Variants in VPS35L observed in about 807,000 individuals in gnomAD.
VPS35L encodes the protein VPS35 endosomal protein sorting factor like, also known as VPS35 endosomal protein-sorting factor-like.
A neutral mutation model predicts 133.0 loss-of-function variants in VPS35L; 83 were observed. That is an observed-to-expected ratio of 0.62 (90% CI 0.52 to 0.75). VPS35L has a LOEUF of 0.75. Among genes scored for constraint, VPS35L ranks in the 30% least tolerant of loss-of-function variants. The pLI is 0.00. For synonymous variants in VPS35L, 423 were observed against 449.9 expected (o/e 0.94, Z 0.76); for missense variants, 1,083 against 1,206.8 (o/e 0.90, Z 1.52).
chr16:19,651,906 G>A, intron 25 of VPS35L, 70 bp from the exon 26 acceptor site: 1 of 1,092,650 alleles, frequency 9.2e-7, no homozygotes, highest in Non-Finnish European at 1.4e-6. Context: ...AAATACATGA[G>A]GGATGAAAAC....
At chr16:19,692,893 A>G (rs1357442445) in intron 29 of VPS35L, among the ~76,000 whole-genome samples, 2 of 152,200 alleles carry the variant, frequency 1.3e-5, no homozygotes, top group African/African-American at 2.4e-5. Context: ...AGGGTGTTCA[A>G]GCGTGTGTTT....
chr16:19,601,862 T>C, intron 9 of VPS35L, 139 bp downstream of exon 9: 1 of 798,006 alleles, frequency 1.3e-6, no homozygotes, highest in East Asian at 2.8e-5. Context: ...CCTTTGAAGA[T>C]TTCTGATCAC....
intron 10 of VPS35L, chr16:19,608,594 GA>G (rs1423193943): frequency 2.6e-6 from 1 of 389,080 alleles, no homozygotes; most frequent in Non-Finnish European, 4.6e-6. Flanking sequence ...GAACTTGAAA[GA>G]ACAGGGTCAA....
intron 5 of VPS35L, chr16:19,578,814 G>A (rs773350311): frequency 3.5e-5 from 19 of 546,504 alleles, no homozygotes; most frequent in Admixed American, 1.2e-4. Context: ...CAAATGCAGC[G>A]GTTAACCTCT....
chr16:19,584,839 A>G (rs1268660035), intron 7 of VPS35L, among the ~76,000 whole-genome samples: 1 of 151,982 alleles, frequency 6.6e-6, no homozygotes, highest in East Asian at 1.9e-4. Context: ...CTATAGGCAC[A>G]TACCACCATG....
chr16:19,610,414 G>A lies in VPS35L; in HGVS notation c.1022G>A (p.Arg341Gln), dbSNP rs372342574. ...GTGTATGCCCGTGCCTACCTGTGCC[G>A]GGTAGGCCATGCGAGTCACTGCCCT... ...VSVYARAYLC[R>Q]VGMEVAPHLK... Residue 341 changes from arginine (R) to glutamine (Q), a missense_variant and splice_region_variant, in exon 12 of 31, where the codon CGG becomes CAG. Physicochemically the swap from Arg to Gln is conservative, Grantham distance 43. Transcript: ENST00000417362. 114 of 1,612,826 alleles carry A rather than the reference G, an allele frequency of 7.1e-5. No individual in the cohort carries two copies. Among genetic ancestry groups the A allele is most frequent in the Admixed American group, 1.7e-4 (10 of 59,970 alleles).
rs1346742824 is a variant in VPS35L at position 19,584,618 on chromosome 16, ACT to A, written c.639+2968_639+2969del. Among the ~76,000 whole-genome samples the A allele has an allele frequency of 3.0e-5, 4 of 134,772 alleles. No homozygotes were observed. The East Asian group carries it at 6.7e-4, about 23-fold the overall frequency. 88.4% of individuals were successfully genotyped at this position (134,772 alleles called of 152,430 possible). On this transcript the variant is annotated intron_variant, in intron 7 of 30. Coordinates refer to ENST00000417362, the MANE Select transcript of VPS35L (RefSeq NM_020314.7). The stretch of plus-strand genomic sequence containing the variant: ...CTCCAACATGGGCAACAAGAGCAAA[ACT>A]CTGTCTCAAAAAAAAAAAAAAAAAG...
Position 19,699,413 on chromosome 16 carries a change from C to G in VPS35L, c.2647-89C>G. On this transcript the variant is annotated intron_variant, in intron 29 of 30. Coordinates refer to ENST00000417362, the MANE Select transcript of VPS35L (RefSeq NM_020314.7). The surrounding 1 kb of genome is among the most constrained non-coding windows in gnomAD (Gnocchi z 4.2). ...GCTGGCACTGGAACTCAGGCATGACCTACCCCAGAGTCAGCACTGTCCACA... is the reference window on the plus strand; with the variant it reads ...GCTGGCACTGGAACTCAGGCATGACGTACCCCAGAGTCAGCACTGTCCACA... 6.6e-7 allele frequency: 1 copy of G among 1,507,424 alleles called. No homozygotes were observed. The highest frequency in any genetic ancestry group is 9.0e-7 in the Non-Finnish European group (1 of 1,107,376). The allele number at this position is 1,507,424 out of a possible 1,614,324, so 93.4% of individuals were successfully genotyped here.
chr16:19,673,663 T>C (rs748817397), intron 27 of VPS35L, among the ~76,000 whole-genome samples: 52 of 152,218 alleles, frequency 3.4e-4, no homozygotes, highest in Non-Finnish European at 5.1e-4. Context: ...TGGGGTTTAG[T>C]AATGATATGA....
intron 27 of VPS35L, among the ~76,000 whole-genome samples, chr16:19,669,799 T>A (rs1185559171): frequency 6.8e-6 from 1 of 146,770 alleles, no homozygotes; most frequent in African/African-American, 2.5e-5. Context: ...GCCTCCTGAG[T>A]AGCTAGGATT....
intron 1 of VPS35L, among the ~76,000 whole-genome samples, chr16:19,563,761 G>A (rs760528662): frequency 1.3e-5 from 2 of 152,190 alleles, no homozygotes; most frequent in Non-Finnish European, 2.9e-5. Context: ...AGCTCAATGG[G>A]CGAATACCTT....
At chr16:19,595,945 A>C (rs1441655849) in intron 8 of VPS35L, among the ~76,000 whole-genome samples, 1 of 152,178 alleles carries the variant, frequency 6.6e-6, no homozygotes, top group Non-Finnish European at 1.5e-5. Context: ...GGAGTTCAAG[A>C]CCAGCCTGGC....
chr16:19,693,973 AAAAG>A (rs901389268), intron 29 of VPS35L: 23 of 152,078 alleles, frequency 1.5e-4, no homozygotes, highest in African/African-American at 4.8e-4. Context: ...AAAAAAAAAA[AAAAG>A]AAAAAAGGGG....
intron 29 of VPS35L, among the ~76,000 whole-genome samples, 194 bp downstream of exon 29, chr16:19,691,665 C>T (rs1975693380): frequency 6.6e-6 from 1 of 152,180 alleles, no homozygotes; most frequent in African/African-American, 2.4e-5. Flanking sequence ...TCCCCCAGGG[C>T]TTCCCCTGGC....
chr16:19,694,049 G>C (rs1336792977), intron 29 of VPS35L: 1 of 151,390 alleles, frequency 6.6e-6, no homozygotes, highest in Non-Finnish European at 1.5e-5. Context: ...ATTAACAACA[G>C]TGTATTATAC....
chr16:19,642,585 A>G (rs1973820210), intron 22 of VPS35L, 109 bp downstream of exon 22: 1 of 872,488 alleles, frequency 1.1e-6, no homozygotes, highest in Non-Finnish European at 1.7e-6. Flanking sequence ...ATATTACTTT[A>G]TTGGGAGTAT....
Position 19,627,758 on chromosome 16 carries a change from G to A in VPS35L, c.1336G>A (p.Asp446Asn). The A allele has an allele frequency of 6.2e-7, 1 of 1,614,054 alleles. No individual in the cohort carries two copies. The highest frequency in any genetic ancestry group is 8.5e-7 in the Non-Finnish European group (1 of 1,179,940). ...TGAGTTCATCGCCACAAGGTCTATG[G>A]ATTTCATTGGCATGATTAAAGAGTG... ...RAEFIATRSM[D>N]FIGMIKECDE... is the part of the protein sequence containing the mutation. Residue 446 changes from aspartate (D) to asparagine (N), a missense_variant, in exon 16 of 31, where the codon GAT becomes AAT. Physicochemically the swap from Asp to Asn is conservative, Grantham distance 23 (BLOSUM62 1). Coordinates refer to ENST00000417362, the MANE Select transcript of VPS35L (RefSeq NM_020314.7).
chr16:19,636,801 C>A lies in VPS35L; in HGVS notation c.1636-793C>A, dbSNP rs74011470. On this transcript the variant is annotated intron_variant, in intron 19 of 30. Transcript: ENST00000417362. ...CCGCATCTTCTTGGCTCTCCTGGAC[C>A]AAGGCCCTGTCAGCCTTTCAGTCTG... is the stretch of plus-strand genomic sequence containing the variant. 5.8e-3 allele frequency among the ~76,000 whole-genome samples: 876 copies of A among 152,288 alleles called. 9 individuals carry two copies. Among genetic ancestry groups the A allele is most frequent in the African/African-American group, 0.02 (818 of 41,562 alleles).
chr16:19,616,860 C>A (rs751826021), intron 14 of VPS35L, 52 bp downstream of exon 14: 1 of 1,612,622 alleles, frequency 6.2e-7, no homozygotes, highest in Non-Finnish European at 8.5e-7. Flanking sequence ...TGGTGACAGC[C>A]CCTGCCCACT....
Sources: gnomAD v4.1 joint callset for allele counts (sites outside exome capture counted in the v4.1 genomes callset) on GRCh38, gnomAD v4.1.1 for gene constraint, Gnocchi (gnomAD v3.1) non-coding constraint, MANE v1.5 for transcripts, NCBI Gene and HGNC (gene_info 2026-07-23, HGNC 2026-07-21) for gene names.